Variants in SLC30A9 observed in about 807,000 individuals in gnomAD.
SLC30A9 encodes proton-coupled zinc antiporter SLC30A9, mitochondrial.
In SLC30A9, 58 loss-of-function variants were observed where a neutral mutation model predicts 87.5. The ratio of observed to expected loss-of-function variants is 0.66; its 90% CI spans 0.54 to 0.82. SLC30A9 has a LOEUF of 0.82. Ranked by LOEUF, SLC30A9 falls within the 40% of genes least tolerant of loss-of-function variation. The pLI, the probability that SLC30A9 is intolerant of heterozygous loss-of-function variation, is 0.00. For missense variants in SLC30A9, 557 were observed against 679.1 expected, an observed-to-expected ratio of 0.82 and a Z score of 2.00; for synonymous variants, 234 against 233.0, an observed-to-expected ratio of 1.00 and a Z score of -0.04.
At chr4:42,014,644 GA>G (rs1675603893) in intron 2 of SLC30A9, among the ~76,000 whole-genome samples, 2 of 152,122 alleles carry the variant, frequency 1.3e-5, no homozygotes, top group South Asian at 4.1e-4. Context: ...CCAAGGTTTG[GA>G]AGCAAGCTAA....
intron 1 of SLC30A9, among the ~76,000 whole-genome samples, chr4:41,991,967 T>C (rs563053472): frequency 6.6e-6 from 1 of 151,022 alleles, no homozygotes; most frequent in South Asian, 2.1e-4. Context: ...AGGGCTTTTT[T>C]GGTAGTGATA....
At chr4:42,085,945 TGCAAC>T in intron 17 of SLC30A9, 132 bp from the exon 18 acceptor site, 3 of 277,948 alleles carry the variant, frequency 1.1e-5, no homozygotes, top group South Asian at 8.7e-5. Flanking sequence ...TTTTTTCTTA[TGCAAC>T]TATTTCTCTC....
In SLC30A9 at chr4:42,058,100, C is replaced by CA. The variant is rs35993518; in HGVS notation, c.841-2070dup. Reference sequence around the variant, plus strand: ...CTGGCGACAGAGTGAGACTTTGTCTCAAAAAAAAAAAAAAAAAAAAACTGA... The same window carrying CA: ...CTGGCGACAGAGTGAGACTTTGTCTCAAAAAAAAAAAAAAAAAAAAAACTGA... On this transcript the variant is annotated intron_variant, in intron 9 of 17. Coordinates refer to ENST00000264451, the MANE Select transcript of SLC30A9 (RefSeq NM_006345.4). 7.4e-3 allele frequency among the ~76,000 whole-genome samples: 816 copies of CA among 109,726 alleles called. 11 individuals carry two copies. The highest frequency in any genetic ancestry group is 0.026 in the African/African-American group (718 of 27,394). 72.0% of individuals were successfully genotyped at this position (109,726 alleles called of 152,430 possible). A position where few individuals can be genotyped will look rare whatever the true frequency, so the allele number is the denominator to read the frequency against.
At chr4:42,048,852 G>A (rs575077162) in intron 8 of SLC30A9, among the ~76,000 whole-genome samples, 35 of 152,210 alleles carry the variant, frequency 2.3e-4, no homozygotes, top group African/African-American at 8.2e-4. Context: ...CTTACACATA[G>A]CATGCCTCTT....
intron 17 of SLC30A9, among the ~76,000 whole-genome samples, chr4:42,082,674 C>T (rs1359583493): frequency 6.6e-6 from 1 of 152,004 alleles, no homozygotes; most frequent in African/African-American, 2.4e-5. Flanking sequence ...ATGGTGAAAC[C>T]CCATCTCTAC....
chr4:42,017,320 T>C (rs1187176281), intron 2 of SLC30A9, among the ~76,000 whole-genome samples: 1 of 152,004 alleles, frequency 6.6e-6, no homozygotes, highest in Non-Finnish European at 1.5e-5. Flanking sequence ...TTACTTTTGT[T>C]GATTCTATTT....
chr4:42,070,443 C>T, intron 14 of SLC30A9, 83 bp from the exon 15 acceptor site: 5 of 1,046,490 alleles, frequency 4.8e-6, no homozygotes, highest in African/African-American at 1.6e-5. Flanking sequence ...TTGATTTACT[C>T]GTTCTGGTTC....
Position 42,086,578 on chromosome 4 carries a change from G to C in SLC30A9, c.*452G>C, listed in dbSNP as rs1460670677. ...TATTCTGGCTAAATCTTGGTATGTGGTTTTTAAACAGTCACTCCGTTTCAA... is the reference window on the plus strand; with the variant it reads ...TATTCTGGCTAAATCTTGGTATGTGCTTTTTAAACAGTCACTCCGTTTCAA... On this transcript the variant is annotated 3_prime_UTR_variant, in exon 18 of 18. Transcript: ENST00000264451. The C allele has an allele frequency of 6.5e-6, 1 of 153,034 alleles. No homozygotes were observed. The highest frequency in any genetic ancestry group is 2.4e-5 in the African/African-American group (1 of 41,466). 9.5% of individuals were successfully genotyped at this position (153,034 alleles called of 1,614,324 possible).
chr4:42,037,608 A>G (rs1441769312), intron 7 of SLC30A9, among the ~76,000 whole-genome samples: 5 of 152,078 alleles, frequency 3.3e-5, no homozygotes, highest in African/African-American at 1.2e-4. Context: ...AATCTATCCA[A>G]ATTTTCTGCA....
intron 17 of SLC30A9, among the ~76,000 whole-genome samples, chr4:42,085,828 T>G: frequency 6.6e-6 from 1 of 151,988 alleles, no homozygotes; most frequent in Non-Finnish European, 1.5e-5. Context: ...TGGCATGTAC[T>G]AGATCCTTAA....
intron 17 of SLC30A9, 43 bp downstream of exon 17, chr4:42,078,368 AT>A: frequency 2.8e-6 from 3 of 1,061,230 alleles, no homozygotes; most frequent in African/African-American, 1.6e-5. Context: ...AATGGCAGCT[AT>A]TTTTTTGAGT....
intron 8 of SLC30A9, among the ~76,000 whole-genome samples, chr4:42,046,074 A>G (rs4861157): frequency 0.67 from 101,501 of 152,104 alleles, 37,555 homozygotes; most frequent in East Asian, 0.96. Flanking sequence ...AGGTATTGGC[A>G]GAACGTATCT....
intron 15 of SLC30A9, among the ~76,000 whole-genome samples, chr4:42,075,053 ATATATATTTTTTTTTTTTTTTT>A (rs1208532117): frequency 4.3e-5 from 1 of 23,274 alleles, no homozygotes; most frequent in Non-Finnish European, 7.1e-5. Flanking sequence ...ATATATATAT[ATATATATTTTTTTTTTTTTTTT>A]TTTTTTTTTT....
At chr4:42,013,671 T>A (rs769520030) in intron 2 of SLC30A9, among the ~76,000 whole-genome samples, 5 of 152,168 alleles carry the variant, frequency 3.3e-5, no homozygotes, top group Non-Finnish European at 7.3e-5. Context: ...TAAATGGTGC[T>A]GGGGAAAACT....
At chr4:42,027,477 T>TG (rs397993123) in intron 6 of SLC30A9, among the ~76,000 whole-genome samples, 1 of 151,784 alleles carries the variant, frequency 6.6e-6, no homozygotes, top group African/African-American at 2.4e-5. Flanking sequence ...TTTTTTTTTT[T>TG]AGTATGAGTG....
rs539632033 is a variant in SLC30A9, at chr4:42,022,867, G to A, written c.464G>A (p.Arg155Gln). The A allele has an allele frequency of 5.0e-6, 8 of 1,599,020 alleles. No homozygotes were observed. In the East Asian group the frequency reaches 6.7e-5, roughly 13 times the overall value. Reference sequence around the variant, plus strand: ...CTAGAACAACTTCGAAAAATCAGACGACGAAGTCCCCATGAAGATACTGAG... The same window carrying A: ...CTAGAACAACTTCGAAAAATCAGACAACGAAGTCCCCATGAAGATACTGAG... ...SDLEQLRKIR[R>Q]RSPHEDTESF... Residue 155 changes from arginine to glutamine, a missense_variant, in exon 5 of 18, where the codon CGA (arginine) becomes CAA (glutamine). By Grantham distance (43) the Arg-to-Gln change is conservative. This residue lies in a region of SLC30A9 where 467 missense variants were observed against 529.8 expected (regional missense o/e 0.88). Transcript: ENST00000264451.
intron 8 of SLC30A9, among the ~76,000 whole-genome samples, chr4:42,046,741 T>G (rs1019878063): frequency 2.0e-5 from 3 of 152,106 alleles, no homozygotes; most frequent in Non-Finnish European, 4.4e-5. Context: ...TTCTTTAAAT[T>G]TCATATGGAA....
intron 4 of SLC30A9, among the ~76,000 whole-genome samples, chr4:42,020,941 C>T (rs77107123): frequency 0.032 from 4,927 of 152,160 alleles, 93 homozygotes; most frequent in Non-Finnish European, 0.051. Flanking sequence ...ACTGTGATTT[C>T]TGTTGAGTAT....
chr4:42,024,502 A>G (rs952450048), intron 6 of SLC30A9, among the ~76,000 whole-genome samples: 4 of 152,238 alleles, frequency 2.6e-5, no homozygotes, highest in African/African-American at 7.2e-5. Context: ...TCACTGTTAG[A>G]AAGAATACAT....
Sources: allele counts gnomAD v4.1 joint callset (sites outside exome capture counted in the v4.1 genomes callset), GRCh38; gene constraint gnomAD v4.1.1; regional missense constraint gnomAD v4.1.1; transcripts MANE v1.5; gene names NCBI Gene and HGNC (gene_info 2026-07-23, HGNC 2026-07-21).